Variants in EDIL3 observed in about 807,000 individuals in gnomAD.
The protein encoded by EDIL3 is EGF-like repeat and discoidin I-like domain-containing protein 3.
In EDIL3, 37 loss-of-function variants were observed where a neutral mutation model predicts 67.4. The observed-to-expected ratio is 0.55, with a 90% CI of 0.42 to 0.72. The LOEUF (loss-of-function observed/expected upper bound fraction) is 0.72. EDIL3 is among the 30% of genes least tolerant of loss of function. The pLI, the probability that EDIL3 is intolerant of heterozygous loss-of-function variation, is 0.00. For synonymous variants in EDIL3, 195 were observed against 196.3 expected (o/e 0.99, Z 0.05); for missense variants, 527 against 586.3 (o/e 0.90, Z 1.04).
At chr5:83,993,049 A>C (rs1184487177) in intron 9 of EDIL3, among the ~76,000 whole-genome samples, 2 of 152,166 alleles carry the variant, frequency 1.3e-5, no homozygotes, top group Non-Finnish European at 2.9e-5. Context: ...AATAAGAGAA[A>C]ATCTTAAAAT....
chr5:83,988,462 T>A (rs1279767358), intron 9 of EDIL3, among the ~76,000 whole-genome samples: 1 of 152,140 alleles, frequency 6.6e-6, no homozygotes, highest in Non-Finnish European at 1.5e-5. Context: ...CTATATTTGG[T>A]GTTTGTCCCA....
intron 9 of EDIL3, among the ~76,000 whole-genome samples, chr5:84,055,429 A>C (rs1385208849): frequency 6.8e-6 from 1 of 146,540 alleles, no homozygotes; most frequent in Admixed American, 6.7e-5. Context: ...CACCAAAAGC[A>C]ATGGCAATAA....
At chr5:84,128,740 G>A (rs1019463265) in intron 5 of EDIL3, among the ~76,000 whole-genome samples, 8 of 152,046 alleles carry the variant, frequency 5.3e-5, no homozygotes, top group East Asian at 1.9e-4. Flanking sequence ...AAGTTATGCC[G>A]TTCTCAAACT....
intron 5 of EDIL3, among the ~76,000 whole-genome samples, chr5:84,122,762 C>T (rs1302944860): frequency 6.6e-6 from 1 of 151,920 alleles, no homozygotes; most frequent in African/African-American, 2.4e-5. Context: ...AGTGATCTAA[C>T]TCACTTTGTG....
At chr5:84,064,619 G>A in intron 8 of EDIL3, 81 bp downstream of exon 8, 1 of 1,455,486 alleles carries the variant, frequency 6.9e-7, no homozygotes, top group South Asian at 1.5e-5. Flanking sequence ...TGTTGAATTT[G>A]TAGGTTAGTA....
intron 4 of EDIL3, among the ~76,000 whole-genome samples, chr5:84,137,787 G>A (rs1267237321): frequency 6.6e-6 from 1 of 152,188 alleles, no homozygotes; most frequent in Non-Finnish European, 1.5e-5. Context: ...AATTCTAACT[G>A]ACAGAGATGT....
At chr5:84,280,020 A>G (rs567050976) in intron 1 of EDIL3, among the ~76,000 whole-genome samples, 152 of 152,282 alleles carry the variant, frequency 1.0e-3, no homozygotes, top group Non-Finnish European at 1.8e-3. Context: ...ATGGTGCTTG[A>G]CACTTTGGCC....
At chr5:84,022,778 T>C (rs1023595033) in intron 9 of EDIL3, among the ~76,000 whole-genome samples, 1 of 151,786 alleles carries the variant, frequency 6.6e-6, no homozygotes, top group Non-Finnish European at 1.5e-5. Flanking sequence ...GAGAAAGAAA[T>C]GAAGAGAGGT....
intron 4 of EDIL3, among the ~76,000 whole-genome samples, chr5:84,176,131 G>A (rs528590940): frequency 1.4e-3 from 195 of 143,114 alleles, no homozygotes; most frequent in African/African-American, 4.8e-3. Context: ...AATATACAAA[G>A]AGGGAAGTTT....
At chr5:84,140,101 T>C (rs1561443228) in intron 4 of EDIL3, among the ~76,000 whole-genome samples, 1 of 152,120 alleles carries the variant, frequency 6.6e-6, no homozygotes, top group East Asian at 1.9e-4. Context: ...CCTTCACCCT[T>C]CTACTTTAGA....
intron 6 of EDIL3, among the ~76,000 whole-genome samples, chr5:84,072,293 A>G (rs1325903323): frequency 2.6e-5 from 4 of 152,128 alleles, no homozygotes; most frequent in East Asian, 1.9e-4. Context: ...AACTAACCCA[A>G]TAGAAATGAG....
chr5:84,371,456 G>T (rs1412434001), intron 1 of EDIL3, among the ~76,000 whole-genome samples: 2,488 of 92,962 alleles, frequency 0.027, 54 homozygotes, highest in African/African-American at 0.076. Context: ...TATATAGAGA[G>T]AGAGAGAGAG....
chr5:84,118,302 G>A (rs537707411), intron 5 of EDIL3, among the ~76,000 whole-genome samples: 37 of 152,196 alleles, frequency 2.4e-4, no homozygotes, highest in African/African-American at 8.7e-4. Flanking sequence ...AAAGTTATCA[G>A]CTCAGCTAAC....
At chr5:84,124,601 TATC>T (rs1310267362) in intron 5 of EDIL3, among the ~76,000 whole-genome samples, 1 of 151,950 alleles carries the variant, frequency 6.6e-6, no homozygotes, top group Non-Finnish European at 1.5e-5. Flanking sequence ...ACTTTATTCT[TATC>T]ATATTGGCTT....
Position 84,339,753 on chromosome 5 carries a change from T to G in EDIL3, c.67+44555A>C, listed in dbSNP as rs569050407. 4.6e-5 allele frequency among the ~76,000 whole-genome samples: 7 copies of G among 152,232 alleles called. No individual in the cohort carries two copies. In the East Asian group the frequency reaches 1.4e-3, roughly 29 times the overall value. On this transcript the variant is annotated intron_variant, in intron 1 of 10. Transcript: ENST00000296591. Reference sequence around the variant, plus strand: ...GCTCTCTAAAGTATACTTTAATACATGTATAAGTAGAGGGACTTCTAACTC... The same window carrying G: ...GCTCTCTAAAGTATACTTTAATACAGGTATAAGTAGAGGGACTTCTAACTC...
intron 2 of EDIL3, among the ~76,000 whole-genome samples, chr5:84,232,359 A>G (rs1053457699): frequency 4.0e-5 from 6 of 151,690 alleles, no homozygotes; most frequent in African/African-American, 1.5e-4. Context: ...GGCAGCTGAG[A>G]TCCTGACTGG....
intron 1 of EDIL3, among the ~76,000 whole-genome samples, chr5:84,273,731 A>G (rs935280455): frequency 6.6e-6 from 1 of 152,162 alleles, no homozygotes; most frequent in African/African-American, 2.4e-5. Context: ...TGTTTCTACC[A>G]CACTCCTCAA....
At chr5:84,177,189 A>T (rs1748935376) in intron 4 of EDIL3, among the ~76,000 whole-genome samples, 1 of 152,214 alleles carries the variant, frequency 6.6e-6, no homozygotes, top group African/African-American at 2.4e-5. Flanking sequence ...GGCAACCAAG[A>T]TACTCTTCAA....
chr5:83,945,687 TA>T (rs1370425620), intron 10 of EDIL3, among the ~76,000 whole-genome samples: 1 of 151,920 alleles, frequency 6.6e-6, no homozygotes, highest in African/African-American at 2.4e-5. Flanking sequence ...ACAGAGAAAC[TA>T]TATCAGCTCT....
Sources: allele counts gnomAD v4.1 joint callset (sites outside exome capture counted in the v4.1 genomes callset), GRCh38; gene constraint gnomAD v4.1.1; transcripts MANE v1.5; gene names NCBI Gene and HGNC (gene_info 2026-07-23, HGNC 2026-07-21).